Variants in SMS observed in about 807,000 individuals in gnomAD.
The protein encoded by SMS is spermidine aminopropyltransferase.
In SMS, 3 loss-of-function variants were observed where a neutral mutation model predicts 33.0. That is an observed-to-expected ratio of 0.09 (90% CI 0.04 to 0.23). SMS has a LOEUF of 0.23. SMS is among the 10% of genes least tolerant of loss of function. The pLI, the probability that SMS is intolerant of heterozygous loss-of-function variation, is 1.00. For missense variants in SMS, 117 were observed against 288.6 expected (o/e 0.41, Z 4.31); for synonymous variants, 103 against 112.2 (o/e 0.92, Z 0.52).
At chrX:21,966,459 T>C (rs188896566) in intron 1 of SMS, among the ~76,000 whole-genome samples, 126 of 111,823 alleles carry the variant, frequency 1.1e-3, no homozygotes, top group African/African-American at 3.4e-3. Context: ...CAAGTGAACC[T>C]GCGGAGGTTA....
intron 9 of SMS, among the ~76,000 whole-genome samples, chrX:21,988,177 T>C (rs1925487054): frequency 8.9e-6 from 1 of 112,382 alleles, no homozygotes; most frequent in South Asian, 3.6e-4. Context: ...TGTCACATGG[T>C]AAGATTTATG....
Position 21,988,712 on chromosome X carries a change from G to A in SMS, c.945+3489G>A, listed in dbSNP as rs944618929. ...AAAAAAGGAGTCAGGTTAAGGGTGG[G>A]ATGAAAATGTTGTGTTTTACAAAAG... On this transcript the variant is annotated intron_variant, in intron 9 of 10. Coordinates refer to ENST00000404933, the MANE Select transcript of SMS (RefSeq NM_004595.5). 2.9e-5 allele frequency among the ~76,000 whole-genome samples: 3 copies of A among 105,214 alleles called. 1 individual carries two copies. The Admixed American group carries it at 3.3e-4, about 11-fold the overall frequency. 91.4% of individuals were successfully genotyped at this position (105,214 alleles called of 115,157 possible).
intron 5 of SMS, 81 bp from the exon 6 acceptor site, chrX:21,977,879 T>A (rs1924635593): frequency 3.9e-5 from 37 of 958,074 alleles, no homozygotes; most frequent in Non-Finnish European, 5.3e-5. Context: ...TTGGTCTAGA[T>A]CCCAGCTCTT....
At chrX:21,942,609 T>C (rs1921895068) in intron 1 of SMS, among the ~76,000 whole-genome samples, 1 of 111,009 alleles carries the variant, frequency 9.0e-6, no homozygotes, top group South Asian at 3.8e-4. Flanking sequence ...AGAGATGAAA[T>C]GGTGCTTGAG....
chrX:21,981,631 A>G (rs1437224955), intron 7 of SMS, among the ~76,000 whole-genome samples: 1 of 112,151 alleles, frequency 8.9e-6, no homozygotes, highest in Non-Finnish European at 1.9e-5. Context: ...GGTCTAAGAT[A>G]CATTTCAGTT....
At chrX:21,960,101 C>T (rs906869178) in intron 1 of SMS, 1 of 179,081 alleles carries the variant, frequency 5.6e-6, no homozygotes, top group South Asian at 2.5e-4. Context: ...CTGGAAATCT[C>T]GGCAGTTCTT....
intron 1 of SMS, among the ~76,000 whole-genome samples, chrX:21,966,821 A>G (rs1923755873): frequency 9.0e-6 from 1 of 111,360 alleles, no homozygotes; most frequent in African/African-American, 3.3e-5. Context: ...CATTTGTTGT[A>G]CTTGAATTTA....
chrX:21,940,714 TG>T lies in SMS; in HGVS notation c.-109del. 3.4e-6 allele frequency: 2 copies of T among 593,728 alleles called. No individual in the cohort carries two copies. The highest frequency in any genetic ancestry group is 5.0e-6 in the Non-Finnish European group (2 of 399,689). The allele number at this position is 593,728 out of a possible 1,213,427, so 48.9% of individuals were successfully genotyped here. A position where few individuals can be genotyped will look rare whatever the true frequency, so the allele number is the denominator to read the frequency against. ...GGCGGCCCCTCCCACCTCCTAGTCCTGGCCTCCCCGGGCGCAGCACACTCCC... is the reference window on the plus strand; with the variant it reads ...GGCGGCCCCTCCCACCTCCTAGTCCTGCCTCCCCGGGCGCAGCACACTCCC... On this transcript the variant is annotated 5_prime_UTR_variant, in exon 1 of 11. Coordinates refer to ENST00000404933, the MANE Select transcript of SMS (RefSeq NM_004595.5).
chrX:21,984,028 A>G (rs1478679460), intron 7 of SMS, among the ~76,000 whole-genome samples: 1 of 111,868 alleles, frequency 8.9e-6, no homozygotes, highest in South Asian at 3.7e-4. Context: ...TAACACCTCA[A>G]GTTTGTTTCT....
chrX:21,944,652 C>T (rs1180084588), intron 1 of SMS, among the ~76,000 whole-genome samples: 1 of 109,287 alleles, frequency 9.2e-6, no homozygotes, highest in Non-Finnish European at 1.9e-5. Context: ...AGACTGCACT[C>T]CAGCCTGGAC....
chrX:21,950,300 G>A (rs776929069), intron 1 of SMS, among the ~76,000 whole-genome samples: 2 of 110,980 alleles, frequency 1.8e-5, no homozygotes, highest in East Asian at 5.7e-4. Context: ...GATGGTCATG[G>A]GTTTCTCAGT....
intron 10 of SMS, 91 bp downstream of exon 10, chrX:21,992,803 A>G: frequency 5.7e-6 from 3 of 523,410 alleles, no homozygotes; most frequent in Non-Finnish European, 3.3e-6. Flanking sequence ...ATAATAAACA[A>G]TTAGCTTAGC....
At chrX:21,973,132 G>A (rs1415539104) in intron 4 of SMS, among the ~76,000 whole-genome samples, 1 of 111,296 alleles carries the variant, frequency 9.0e-6, no homozygotes, top group Admixed American at 9.5e-5. Context: ...AGGCAGAAAG[G>A]GGATATGGAC....
In SMS at chrX:21,953,639, T is replaced by C. The variant is rs1371840258; in HGVS notation, c.49+12766T>C. ...TTAATTTCTTTTAATTCCTATTTCA[T>C]TAGTTTGTGTTTTTAGAGGAATTGC... is the stretch of plus-strand genomic sequence containing the variant. On this transcript the variant is annotated intron_variant, in intron 1 of 10. Coordinates refer to ENST00000404933, the MANE Select transcript of SMS (RefSeq NM_004595.5). Among the ~76,000 whole-genome samples, 3 of 112,635 alleles carry C rather than the reference T, an allele frequency of 2.7e-5. 1 individual carries two copies. In the East Asian group the frequency reaches 8.4e-4, roughly 31 times the overall value.
chrX:21,949,817 G>C (rs1007321), intron 1 of SMS, among the ~76,000 whole-genome samples: 45,414 of 109,613 alleles, frequency 0.41, 8,600 homozygotes, highest in African/African-American at 0.72. Context: ...TAGAGTACAG[G>C]TTGAGCATCC....
At chrX:21,978,346 G>A (rs753830921) in intron 6 of SMS, among the ~76,000 whole-genome samples, 4 of 111,518 alleles carry the variant, frequency 3.6e-5, no homozygotes, top group East Asian at 2.8e-4. Flanking sequence ...AGGCCGAGGC[G>A]GGTGGATCAC....
At chrX:21,949,085 A>G (rs900226987) in intron 1 of SMS, among the ~76,000 whole-genome samples, 1 of 111,981 alleles carries the variant, frequency 8.9e-6, no homozygotes, top group African/African-American at 3.3e-5. Flanking sequence ...GGAAGGAGCC[A>G]CCGAGCTAGC....
chrX:21,975,215 C>T (rs1913531697), intron 4 of SMS, among the ~76,000 whole-genome samples: 1 of 111,095 alleles, frequency 9.0e-6, no homozygotes, highest in African/African-American at 3.3e-5. Context: ...ACAGTACCTC[C>T]TGGTAGCCCG....
At chrX:21,973,901 A>G (rs1569350058) in intron 4 of SMS, among the ~76,000 whole-genome samples, 3 of 113,155 alleles carry the variant, frequency 2.7e-5, no homozygotes, top group African/African-American at 9.6e-5. Flanking sequence ...CAATTCGGAC[A>G]TCGTGGGAAG....
Sources: allele counts gnomAD v4.1 joint callset (sites outside exome capture counted in the v4.1 genomes callset), GRCh38; gene constraint gnomAD v4.1.1; transcripts MANE v1.5; gene names NCBI Gene and HGNC (gene_info 2026-07-23, HGNC 2026-07-21).